NQO2: variants seen among roughly 807,000 people sequenced by gnomAD.
The protein encoded by NQO2 is ribosyldihydronicotinamide dehydrogenase [quinone].
A neutral mutation model predicts 22.0 loss-of-function variants in NQO2; 18 were observed. That is an observed-to-expected ratio of 0.82 (90% CI 0.56 to 1.21). NQO2 has a LOEUF of 1.21. Ranked by LOEUF, NQO2 falls within the 50% of genes most tolerant of loss-of-function variation. The probability of loss-of-function intolerance (pLI) is 0.00; values close to 1 mark genes in which losing one functional copy is unlikely to be tolerated. For synonymous variants in NQO2, 106 were observed against 110.8 expected, an observed-to-expected ratio of 0.96 and a Z score of 0.28; for missense variants, 267 against 286.9, an observed-to-expected ratio of 0.93 and a Z score of 0.50.
chr6:3,006,166 G>A lies in NQO2; in HGVS notation c.-85-302G>A, dbSNP rs1236580102. Among the ~76,000 whole-genome samples the A allele has an allele frequency of 6.6e-6, 1 of 152,236 alleles. No individual in the cohort carries two copies. The highest frequency in any genetic ancestry group is 2.1e-4 in the South Asian group (1 of 4,832). On this transcript the variant is annotated intron_variant, in intron 1 of 6. Coordinates refer to ENST00000380455, the MANE Select transcript of NQO2 (RefSeq NM_000904.6). This position sits in a 1 kb window ranked among gnomAD's most constrained non-coding sequence, Gnocchi z 4.0. ...CTACGGGGAAAACTGGGGAAGGCAG[G>A]AAGGCCAAGGAGGCTCAACTCCTGC...
At chr6:3,001,637 G>T (rs1756729037) in intron 1 of NQO2, among the ~76,000 whole-genome samples, 1 of 152,220 alleles carries the variant, frequency 6.6e-6, no homozygotes, top group Non-Finnish European at 1.5e-5. Context: ...TACACTGTGA[G>T]ATGTTGTCTG....
intron 2 of NQO2, among the ~76,000 whole-genome samples, chr6:3,008,309 C>T (rs1329583017): frequency 6.6e-6 from 1 of 151,570 alleles, no homozygotes; most frequent in Non-Finnish European, 1.5e-5. Context: ...ATCCCAGCTA[C>T]TCAGGAGGCT....
At chr6:3,000,540 C>G (rs1756648578) in intron 1 of NQO2, among the ~76,000 whole-genome samples, 1 of 143,268 alleles carries the variant, frequency 7.0e-6, no homozygotes, top group African/African-American at 2.7e-5. Context: ...AAAAAAAAAT[C>G]AGCTTTTTTT....
chr6:3,017,069 C>T lies in NQO2; in HGVS notation c.519+84C>T, dbSNP rs76710369. On this transcript the variant is annotated intron_variant, in intron 6 of 6. Coordinates refer to ENST00000380455, the MANE Select transcript of NQO2 (RefSeq NM_000904.6). ...ATGCACACATGCATACACACACACACGCACACACATACATGCCCTCAGCTC... is the reference window on the plus strand; with the variant it reads ...ATGCACACATGCATACACACACACATGCACACACATACATGCCCTCAGCTC... The T allele has an allele frequency of 1.6e-3, 2,176 of 1,380,376 alleles. 22 individuals are homozygous for T. The African/African-American group carries it at 0.032, about 20-fold the overall frequency. The allele number at this position is 1,380,376 out of a possible 1,614,324, so 85.5% of individuals were successfully genotyped here.
intron 6 of NQO2, among the ~76,000 whole-genome samples, chr6:3,017,527 C>T (rs1225769978): frequency 6.6e-6 from 1 of 152,238 alleles, no homozygotes; most frequent in Non-Finnish European, 1.5e-5. Flanking sequence ...TCCCAGTCCG[C>T]AGGCCCCTCC....
chr6:3,003,671 T>TG (rs1435320656), intron 1 of NQO2: 1 of 635,928 alleles, frequency 1.6e-6, no homozygotes. Context: ...CTGCCCAGCT[T>TG]TAGGTTCATT....
intron 2 of NQO2, among the ~76,000 whole-genome samples, chr6:3,008,630 C>T (rs141399397): frequency 3.4e-4 from 52 of 152,120 alleles, no homozygotes; most frequent in African/African-American, 1.1e-3. Context: ...ACACATCTAT[C>T]GGGGGAAATT....
rs1477257096 is a variant in NQO2, at chr6:3,010,093, G to A, written c.76G>A (p.Ala26Thr). The A allele has an allele frequency of 6.2e-7, 1 of 1,614,112 alleles. No homozygotes were observed. The highest frequency in any genetic ancestry group is 8.5e-7 in the Non-Finnish European group (1 of 1,180,008). The change falls in exon 3 of 7, where the codon GCT becomes ACT. Residue 26 changes from alanine (A) to threonine (T), a missense_variant. By Grantham distance (58) the Ala-to-Thr change is moderately conservative (BLOSUM62 0). Coordinates refer to ENST00000380455, the MANE Select transcript of NQO2 (RefSeq NM_000904.6). ...TTTCAACGGATCCTTGAAGAATGTG[G>A]CTGTAGATGAACTGAGCAGGCAGGG... The part of the protein sequence containing the change: ...KSFNGSLKNV[A>T]VDELSRQGCT...
chr6:3,015,492 C>A, intron 4 of NQO2, 38 bp from the exon 5 acceptor site: 1 of 1,605,572 alleles, frequency 6.2e-7, no homozygotes, highest in Non-Finnish European at 8.5e-7. Context: ...CTGAGGCGAG[C>A]CGCAGCCTCA....
chr6:3,006,587 CTT>C lies in NQO2; in HGVS notation c.7+39_7+40del, dbSNP rs371505172. On this transcript the variant is annotated intron_variant, in intron 2 of 6. Transcript: ENST00000380455. The surrounding 1 kb of genome is among the most constrained non-coding windows in gnomAD (Gnocchi z 4.0). ...AATGATTCACTATTGTGGAGTAAGA[CTT>C]TTTTTTTTTTGAGATGGGATTTTGT... The C allele has an allele frequency of 2.5e-4, 298 of 1,178,554 alleles. No individual in the cohort carries two copies. The highest frequency in any genetic ancestry group is 8.5e-4 in the Admixed American group (35 of 41,062). The allele number at this position is 1,178,554 out of a possible 1,614,324, so 73.0% of individuals were successfully genotyped here.
At chr6:3,008,810 C>T (rs558311526) in intron 2 of NQO2, among the ~76,000 whole-genome samples, 5,667 of 151,778 alleles carry the variant, frequency 0.037, 119 homozygotes, top group African/African-American at 0.055. Flanking sequence ...GTGATGCCCC[C>T]AAGCCGTAAA....
chr6:3,016,804 G>A (rs1334603883), intron 5 of NQO2, 80 bp from the exon 6 acceptor site: 17 of 1,565,664 alleles, frequency 1.1e-5, no homozygotes, highest in Admixed American at 1.8e-5. Context: ...TGGCTGTGCT[G>A]AGCCCGTGTG....
At chr6:3,001,329 G>T (rs915650617) in intron 1 of NQO2, among the ~76,000 whole-genome samples, 2 of 152,068 alleles carry the variant, frequency 1.3e-5, no homozygotes, top group Non-Finnish European at 2.9e-5. Flanking sequence ...GACCTCAGGT[G>T]ATCCGCCTGC....
At chr6:3,010,431 A>G (rs1318117194) in intron 3 of NQO2, among the ~76,000 whole-genome samples, 4 of 151,832 alleles carry the variant, frequency 2.6e-5, no homozygotes, top group East Asian at 3.9e-4. Context: ...AGATTGGACT[A>G]TCATATCCAC....
chr6:3,005,620 G>GT lies in NQO2; in HGVS notation c.-85-841dup, dbSNP rs1193324651. The GT allele has an allele frequency of 4.1e-6, 4 of 984,990 alleles. No individual in the cohort carries two copies. In the African/African-American group the frequency reaches 7.0e-5, roughly 17 times the overall value. 61.0% of individuals were successfully genotyped at this position (984,990 alleles called of 1,614,324 possible). ...GTTGTTGTTAAGTTTTATCTGAGCT[G>GT]TTTTTTTATGGTAGGGAGAGTGGGT... On this transcript the variant is annotated intron_variant, in intron 1 of 6. Transcript: ENST00000380455.
At chr6:3,016,798 T>C in intron 5 of NQO2, 86 bp from the exon 6 acceptor site, 1 of 1,556,394 alleles carries the variant, frequency 6.4e-7, no homozygotes, top group Admixed American at 1.9e-5. Context: ...CCCTGCTGGC[T>C]GTGCTGAGCC....
intron 5 of NQO2, 177 bp from the exon 6 acceptor site, chr6:3,016,707 T>TCCTCCTCTTGGGATGTCATTGTCA: frequency 1.0e-6 from 1 of 972,914 alleles, no homozygotes; most frequent in Non-Finnish European, 1.2e-6. Flanking sequence ...GATTGTCTCC[T>TCCTCCTCTTGGGATGTCATTGTCA]CCTCCTCTTG....
intron 6 of NQO2, among the ~76,000 whole-genome samples, chr6:3,017,542 C>T (rs1220104151): frequency 1.3e-5 from 2 of 152,236 alleles, no homozygotes; most frequent in South Asian, 2.1e-4. Context: ...CCCTCCCAGG[C>T]CTGCTTCCCC....
At position 3,018,373 on chromosome 6, in the gene NQO2, C is replaced by T. The variant is rs1436227565; in HGVS notation, c.520-1106C>T. The stretch of plus-strand genomic sequence containing the variant: ...CACAAAAATTAGCCGAGTGTGGTGG[C>T]GGACACCTGTAGTCCCAGCTACTTG... On this transcript the variant is annotated intron_variant, in intron 6 of 6. Coordinates refer to ENST00000380455, the MANE Select transcript of NQO2 (RefSeq NM_000904.6). 8.5e-5 allele frequency among the ~76,000 whole-genome samples: 13 copies of T among 152,232 alleles called. No individual in the cohort carries two copies. In the East Asian group the frequency reaches 9.7e-4, roughly 11 times the overall value.
Sources: gnomAD v4.1 joint callset for allele counts (sites outside exome capture counted in the v4.1 genomes callset) on GRCh38, gnomAD v4.1.1 for gene constraint, Gnocchi (gnomAD v3.1) non-coding constraint, MANE v1.5 for transcripts, NCBI Gene and HGNC (gene_info 2026-07-23, HGNC 2026-07-21) for gene names.